Variants in ROCK2 observed in about 807,000 individuals in gnomAD.
The protein encoded by ROCK2 is rho-associated protein kinase 2.
A neutral mutation model predicts 195.1 loss-of-function variants in ROCK2; 61 were observed. The observed-to-expected ratio is 0.31, with a 90% CI of 0.25 to 0.39. The LOEUF is 0.39. Among genes scored for constraint, ROCK2 ranks in the 10% least tolerant of loss-of-function variants. The pLI is 1.00. For synonymous variants in ROCK2, 504 were observed against 545.5 expected (o/e 0.92, Z 1.06); for missense variants, 1,109 against 1,637.4 (o/e 0.68, Z 5.57).
chr2:11,302,232 T>C (rs1368411044), intron 1 of ROCK2, among the ~76,000 whole-genome samples: 1 of 152,226 alleles, frequency 6.6e-6, no homozygotes, highest in African/African-American at 2.4e-5. Flanking sequence ...TCCATTCTAC[T>C]GCTGAGTAAT....
intron 1 of ROCK2, among the ~76,000 whole-genome samples, chr2:11,318,885 G>C (rs1419174205): frequency 3.3e-5 from 5 of 152,118 alleles, no homozygotes; most frequent in Non-Finnish European, 5.9e-5. Context: ...TCTTGTTTTT[G>C]TCAGGTTTGT....
intron 1 of ROCK2, among the ~76,000 whole-genome samples, chr2:11,330,740 GGGAGGAGGGA>G (rs1668694934): frequency 4.6e-5 from 2 of 43,260 alleles, no homozygotes; most frequent in African/African-American, 7.2e-5. Flanking sequence ...AAGATGAGGA[GGGAGGAGGGA>G]GGAGGAGGAG....
intron 3 of ROCK2, among the ~76,000 whole-genome samples, chr2:11,273,522 G>A (rs1442537686): frequency 3.9e-5 from 6 of 152,088 alleles, no homozygotes; most frequent in African/African-American, 1.4e-4. Context: ...CAGAACTGAG[G>A]GAGAAATAGA....
intron 4 of ROCK2, among the ~76,000 whole-genome samples, chr2:11,247,035 G>A (rs1665640865): frequency 6.6e-6 from 1 of 152,172 alleles, no homozygotes. Context: ...AAGAAATTAA[G>A]TGTTGATACA....
intron 27 of ROCK2, among the ~76,000 whole-genome samples, chr2:11,196,599 G>C (rs1663646184): frequency 6.6e-6 from 1 of 152,166 alleles, no homozygotes; most frequent in African/African-American, 2.4e-5. Context: ...GTGGTTATTA[G>C]TTAATGTTAC....
At chr2:11,211,518 A>T (rs1300687788) in intron 18 of ROCK2, among the ~76,000 whole-genome samples, 163 bp downstream of exon 18, 3 of 152,200 alleles carry the variant, frequency 2.0e-5, no homozygotes, top group Non-Finnish European at 4.4e-5. Context: ...ACAAAGGAAA[A>T]ATAATAGAAT....
intron 7 of ROCK2, among the ~76,000 whole-genome samples, chr2:11,223,356 G>A (rs1664701308): frequency 1.3e-5 from 2 of 152,156 alleles, no homozygotes; most frequent in Admixed American, 6.5e-5. Flanking sequence ...ACATACTGCT[G>A]TAACTTCTCT....
intron 3 of ROCK2, among the ~76,000 whole-genome samples, chr2:11,282,517 C>T (rs1018141932): frequency 6.8e-6 from 1 of 147,930 alleles, no homozygotes; most frequent in African/African-American, 2.5e-5. Context: ...AATAGACCCA[C>T]ATAAATATAG....
chr2:11,269,142 T>C (rs1666533751), intron 3 of ROCK2, among the ~76,000 whole-genome samples: 1 of 152,254 alleles, frequency 6.6e-6, no homozygotes. Flanking sequence ...ATTTTCATAT[T>C]GGTCATACAT....
At chr2:11,338,641 G>A (rs1669008857) in intron 1 of ROCK2, among the ~76,000 whole-genome samples, 1 of 152,034 alleles carries the variant, frequency 6.6e-6, no homozygotes, top group Admixed American at 6.6e-5. Flanking sequence ...AATCCCCGGA[G>A]AACACCAAGG....
chr2:11,341,296 G>A lies in ROCK2; in HGVS notation c.141+2700C>T, dbSNP rs558362878. Among the ~76,000 whole-genome samples, 21 of 152,260 alleles carry A rather than the reference G, an allele frequency of 1.4e-4. No individual in the cohort carries two copies. In the South Asian group the frequency reaches 4.4e-3, roughly 32 times the overall value. ...TAATGATTGCTAGCACTTTTCTGAT[G>A]ACAAATTCAAATGATAATGCTACTC... is the stretch of plus-strand genomic sequence containing the variant. On this transcript the variant is annotated intron_variant, in intron 1 of 32. Coordinates refer to ENST00000315872, the MANE Select transcript of ROCK2 (RefSeq NM_004850.5).
chr2:11,180,546 G>A lies in ROCK2; in HGVS notation c.*2891C>T, dbSNP rs917893301. ...CATTCACTGTACATTAATTTCAACA[G>A]TAATACCGGCACCAGTTTTCCTTTC... On this transcript the variant is annotated 3_prime_UTR_variant, in exon 33 of 33. Transcript: ENST00000315872. The A allele has an allele frequency of 2.0e-5, 3 of 152,108 alleles. No individual in the cohort carries two copies. Among genetic ancestry groups the A allele is most frequent in the Admixed American group, 1.3e-4 (2 of 15,270 alleles). The allele number at this position is 152,108 out of a possible 1,614,324, so 9.4% of individuals were successfully genotyped here.
intron 1 of ROCK2, among the ~76,000 whole-genome samples, chr2:11,297,650 G>A (rs1031253952): frequency 5.9e-5 from 9 of 151,868 alleles, no homozygotes; most frequent in Non-Finnish European, 1.2e-4. Context: ...AACAAGGTAG[G>A]TCTCTCCATC....
intron 3 of ROCK2, among the ~76,000 whole-genome samples, chr2:11,278,167 TA>T: frequency 6.6e-6 from 1 of 152,338 alleles, no homozygotes; most frequent in Admixed American, 6.5e-5. Flanking sequence ...TGTTGTACCA[TA>T]AATCTCTTTA....
chr2:11,211,896 A>C, intron 17 of ROCK2, 56 bp from the exon 18 acceptor site: 1 of 1,398,204 alleles, frequency 7.2e-7, no homozygotes, highest in Non-Finnish European at 9.6e-7. Context: ...TCACAATTTC[A>C]AAAGCTTTCT....
At chr2:11,216,292 C>G (rs1195130992) in intron 12 of ROCK2, 86 bp from the exon 13 acceptor site, 12 of 964,966 alleles carry the variant, frequency 1.2e-5, no homozygotes, top group Non-Finnish European at 1.9e-5. Context: ...TACATAATTA[C>G]TTGGTAGCTC....
intron 1 of ROCK2, among the ~76,000 whole-genome samples, chr2:11,303,877 A>G (rs1483286802): frequency 1.3e-5 from 2 of 152,142 alleles, no homozygotes; most frequent in Non-Finnish European, 2.9e-5. Context: ...ACCTATAAAC[A>G]TCTTTAGACA....
At chr2:11,302,097 C>T (rs765217490) in intron 1 of ROCK2, among the ~76,000 whole-genome samples, 27 of 152,110 alleles carry the variant, frequency 1.8e-4, no homozygotes, top group Non-Finnish European at 3.1e-4. Flanking sequence ...TGAGCCACCA[C>T]GCCCGGCCAG....
At position 11,332,904 on chromosome 2, in the gene ROCK2, A is replaced by C. The variant is rs540727201; in HGVS notation, c.141+11092T>G. 1.1e-4 allele frequency among the ~76,000 whole-genome samples: 16 copies of C among 152,378 alleles called. No homozygotes were observed. The South Asian group carries it at 2.9e-3, about 28-fold the overall frequency. ...TCAAAAACATTACGTTAGGTAAAAGAAGCCAGGTAGAAATCACTGCATATT... is the reference window on the plus strand; with the variant it reads ...TCAAAAACATTACGTTAGGTAAAAGCAGCCAGGTAGAAATCACTGCATATT... On this transcript the variant is annotated intron_variant, in intron 1 of 32. Transcript: ENST00000315872.
Sources: allele counts gnomAD v4.1 joint callset (sites outside exome capture counted in the v4.1 genomes callset), GRCh38; gene constraint gnomAD v4.1.1; transcripts MANE v1.5; gene names NCBI Gene and HGNC (gene_info 2026-07-23, HGNC 2026-07-21).